The following TNFSF4 variants were observed in gnomAD, a reference collection of about 807,000 sequenced individuals.
TNFSF4 encodes the protein TNF superfamily member 4, also known as tumor necrosis factor ligand superfamily member 4.
Under a neutral mutation model 7.3 loss-of-function variants are expected in TNFSF4, and 4 were observed. The observed-to-expected ratio is 0.55, with a 90% CI of 0.27 to 1.25. The LOEUF is 1.25. Among genes scored for constraint, TNFSF4 ranks in the 50% most tolerant of loss-of-function variants. The probability of loss-of-function intolerance (pLI) is 0.12; values close to 1 mark genes in which losing one functional copy is unlikely to be tolerated. For missense variants in TNFSF4, 181 were observed against 208.8 expected, an observed-to-expected ratio of 0.87 and a Z score of 0.82; for synonymous variants, 76 against 83.7, an observed-to-expected ratio of 0.91 and a Z score of 0.50.
the TNFSF4 span, among the ~76,000 whole-genome samples, chr1:173,240,882 T>C: frequency 2.0e-5 from 3 of 152,212 alleles, no homozygotes; most frequent in African/African-American, 4.8e-5. Flanking sequence ...GAGTGTAAAG[T>C]AGTATTGTTA....
At chr1:173,444,624 G>A in the TNFSF4 span, among the ~76,000 whole-genome samples, 3 of 151,916 alleles carry the variant, frequency 2.0e-5, no homozygotes, top group Non-Finnish European at 2.9e-5. Context: ...CTCTTTCAGG[G>A]AAAAGAAAAT....
At chr1:173,447,487 G>T in the TNFSF4 span, among the ~76,000 whole-genome samples, 1 of 152,206 alleles carries the variant, frequency 6.6e-6, no homozygotes, top group South Asian at 2.1e-4. Flanking sequence ...CATGTGTAGG[G>T]GTAGAGGGCA....
chr1:173,363,518 C>T, the TNFSF4 span: 1 of 456,814 alleles, frequency 2.2e-6, no homozygotes, highest in African/African-American at 2.1e-5. Context: ...CAAATCTTAC[C>T]TTTAAGATTC....
At chr1:173,378,967 C>A in the TNFSF4 span, among the ~76,000 whole-genome samples, 13 of 152,088 alleles carry the variant, frequency 8.5e-5, no homozygotes, top group Non-Finnish European at 1.5e-4. Flanking sequence ...CCCCTTCTCC[C>A]TCTCTGATTT....
At chr1:173,386,488 C>T in the TNFSF4 span, among the ~76,000 whole-genome samples, 3 of 152,188 alleles carry the variant, frequency 2.0e-5, no homozygotes, top group African/African-American at 7.2e-5. Context: ...GTCACAGCCA[C>T]TGCAGAAAGC....
chr1:173,347,972 A>G, the TNFSF4 span, among the ~76,000 whole-genome samples: 1 of 152,210 alleles, frequency 6.6e-6, no homozygotes, highest in South Asian at 2.1e-4. Flanking sequence ...AATCACTCCT[A>G]GTTGAGAATC....
the TNFSF4 span, among the ~76,000 whole-genome samples, chr1:173,440,006 T>C: frequency 6.6e-6 from 1 of 152,178 alleles, no homozygotes; most frequent in Non-Finnish European, 1.5e-5. Context: ...CCCAAGCCCA[T>C]TTTCTGCCTA....
chr1:173,450,230 A>G, the TNFSF4 span, among the ~76,000 whole-genome samples: 2 of 152,160 alleles, frequency 1.3e-5, no homozygotes, highest in Non-Finnish European at 2.9e-5. Context: ...AAAAAAGTTT[A>G]TGTTAAAGCA....
At chr1:173,249,226 A>G in the TNFSF4 span, among the ~76,000 whole-genome samples, 1 of 152,212 alleles carries the variant, frequency 6.6e-6, no homozygotes. Context: ...AGGTTTGCAG[A>G]GGCAGAAAGA....
At chr1:173,369,319 C>T in the TNFSF4 span, among the ~76,000 whole-genome samples, 226 of 152,276 alleles carry the variant, frequency 1.5e-3, 1 homozygote, top group Middle Eastern at 0.01. Context: ...TTTGAGAATG[C>T]GTCAGTAAGG....
chr1:173,260,988 C>G, the TNFSF4 span, among the ~76,000 whole-genome samples: 4 of 152,096 alleles, frequency 2.6e-5, no homozygotes, highest in African/African-American at 2.4e-5. Context: ...ATCAAGTGGA[C>G]CTGTTAGATG....
chr1:173,438,353 C>A, the TNFSF4 span, among the ~76,000 whole-genome samples: 1 of 152,208 alleles, frequency 6.6e-6, no homozygotes, highest in Non-Finnish European at 1.5e-5. Context: ...TTAATACACA[C>A]TGCTCCAGGA....
At chr1:173,204,284 A>G (rs1311734261) in intron 1 of TNFSF4, among the ~76,000 whole-genome samples, 1 of 152,216 alleles carries the variant, frequency 6.6e-6, no homozygotes, top group African/African-American at 2.4e-5. Context: ...ATTTGATCCT[A>G]CTTTCTCATA....
At chr1:173,244,629 G>A in the TNFSF4 span, among the ~76,000 whole-genome samples, 7 of 132,032 alleles carry the variant, frequency 5.3e-5, no homozygotes, top group South Asian at 2.3e-4. Context: ...GCGACAGAGC[G>A]AGACTCTGTC....
chr1:173,286,572 G>A, the TNFSF4 span, among the ~76,000 whole-genome samples: 1 of 152,170 alleles, frequency 6.6e-6, no homozygotes, highest in Admixed American at 6.5e-5. Context: ...GACTCAATCT[G>A]TGCTACATGC....
the TNFSF4 span, among the ~76,000 whole-genome samples, chr1:173,328,805 A>G: frequency 6.6e-6 from 1 of 152,200 alleles, no homozygotes; most frequent in Admixed American, 6.5e-5. Flanking sequence ...TAAAGAAAAA[A>G]AATAGATAAA....
the TNFSF4 span, among the ~76,000 whole-genome samples, chr1:173,395,079 C>A: frequency 6.9e-5 from 9 of 131,096 alleles, no homozygotes; most frequent in South Asian, 2.5e-4. Flanking sequence ...AGATAGATAG[C>A]TATAAAGACA....
At chr1:173,295,003 G>T in the TNFSF4 span, among the ~76,000 whole-genome samples, 1 of 151,954 alleles carries the variant, frequency 6.6e-6, no homozygotes, top group Non-Finnish European at 1.5e-5. Flanking sequence ...ATGAAAAGAT[G>T]CTCATCATAA....
chr1:173,262,598 CT>C, the TNFSF4 span, among the ~76,000 whole-genome samples: 6,452 of 104,844 alleles, frequency 0.062, 92 homozygotes, highest in African/African-American at 0.14. Context: ...CCAAAAGATT[CT>C]TTTTTTTTTT....
Sources: gnomAD v4.1 joint callset for allele counts (sites outside exome capture counted in the v4.1 genomes callset) on GRCh38, gnomAD v4.1.1 for gene constraint, MANE v1.5 for transcripts, NCBI Gene and HGNC (gene_info 2026-07-23, HGNC 2026-07-21) for gene names.